The following CDH9 variants were observed in gnomAD, a reference collection of about 807,000 sequenced individuals.
CDH9 encodes the protein cadherin 9.
A neutral mutation model predicts 70.9 loss-of-function variants in CDH9; 28 were observed. The observed-to-expected ratio is 0.40, with a 90% CI of 0.29 to 0.54. The LOEUF (loss-of-function observed/expected upper bound fraction) is 0.54, where lower values mean the gene tolerates loss of function less well. Among genes scored for constraint, CDH9 ranks in the 20% least tolerant of loss-of-function variants. The pLI, the probability that CDH9 is intolerant of heterozygous loss-of-function variation, is 0.59. For synonymous variants in CDH9, 409 were observed against 343.1 expected, an observed-to-expected ratio of 1.19 and a Z score of -2.12; for missense variants, 874 against 984.4, an observed-to-expected ratio of 0.89 and a Z score of 1.50.
intron 1 of CDH9, among the ~76,000 whole-genome samples, chr5:26,989,936 C>T (rs1315332747): frequency 6.6e-6 from 1 of 152,054 alleles, no homozygotes; most frequent in Non-Finnish European, 1.5e-5. Flanking sequence ...TAGTCGTGTA[C>T]ATTGCAGTGA....
At chr5:26,948,854 G>A (rs1458882011) in intron 2 of CDH9, among the ~76,000 whole-genome samples, 1 of 152,176 alleles carries the variant, frequency 6.6e-6, no homozygotes, top group Admixed American at 6.5e-5. Flanking sequence ...GTTTGAGAAT[G>A]AGAGGACAGA....
rs1407476431 is a variant in CDH9 at position 26,883,069 on chromosome 5, ATATATATATATATATATATATATAT to A, written c.1883-1471_1883-1447del. 3.1e-5 allele frequency among the ~76,000 whole-genome samples: 4 copies of A among 127,526 alleles called. 1 individual carries two copies. Among genetic ancestry groups the A allele is most frequent in the African/African-American group, 1.2e-4 (4 of 33,842 alleles). The allele number at this position is 127,526 out of a possible 152,430, so 83.7% of individuals were successfully genotyped here. A position where few individuals can be genotyped will look rare whatever the true frequency, so the allele number is the denominator to read the frequency against. ...TATATATATATATATATATATATAT[ATATATATATATATATATATATATAT>A]AAAACTGCAGTAAAAATGAGACCTC... On this transcript the variant is annotated intron_variant, in intron 11 of 11. Transcript: ENST00000231021.
intron 1 of CDH9, among the ~76,000 whole-genome samples, chr5:26,997,271 A>G (rs1408040160): frequency 6.6e-6 from 1 of 151,952 alleles, no homozygotes; most frequent in East Asian, 1.9e-4. Context: ...ATAAACATAT[A>G]TGTATGTGTG....
At chr5:26,897,090 A>G (rs1406817314) in intron 7 of CDH9, among the ~76,000 whole-genome samples, 2 of 152,118 alleles carry the variant, frequency 1.3e-5, no homozygotes, top group Non-Finnish European at 2.9e-5. Context: ...AAATTCCTGG[A>G]CACATACACC....
chr5:26,880,938 T>A lies in CDH9; in HGVS notation c.*198A>T, dbSNP rs575307570. 1 of 443,966 alleles carries A rather than the reference T, an allele frequency of 2.3e-6. No homozygotes were observed. The highest frequency in any genetic ancestry group is 2.0e-5 in the African/African-American group (1 of 49,286). The allele number at this position is 443,966 out of a possible 1,614,324, so 27.5% of individuals were successfully genotyped here. On this transcript the variant is annotated 3_prime_UTR_variant, in exon 12 of 12. Transcript: ENST00000231021. ...TTAGGCAAAGAGGGTGAACTGGTTA[T>A]TACTTTTTTAAAAATCTGTATCATT... is the stretch of plus-strand genomic sequence containing the variant.
At chr5:26,962,016 C>T (rs1484674332) in intron 2 of CDH9, among the ~76,000 whole-genome samples, 2 of 152,088 alleles carry the variant, frequency 1.3e-5, no homozygotes, top group African/African-American at 2.4e-5. Context: ...GTGATGTCGC[C>T]CTCCCTGTGT....
chr5:27,000,883 T>A (rs1326000080), intron 1 of CDH9, among the ~76,000 whole-genome samples: 1 of 152,132 alleles, frequency 6.6e-6, no homozygotes, highest in African/African-American at 2.4e-5. Context: ...ATTGAATGAT[T>A]TAAGTTATAT....
chr5:26,904,709 C>T (rs1579674313), intron 5 of CDH9, among the ~76,000 whole-genome samples: 1 of 151,950 alleles, frequency 6.6e-6, no homozygotes, highest in East Asian at 1.9e-4. Flanking sequence ...AATTCAACTG[C>T]CTGGGTTTGA....
At chr5:26,994,270 T>A (rs894834965) in intron 1 of CDH9, among the ~76,000 whole-genome samples, 1 of 152,110 alleles carries the variant, frequency 6.6e-6, no homozygotes, top group Non-Finnish European at 1.5e-5. Context: ...TGGGGCCTAT[T>A]GGGATGAAAT....
intron 2 of CDH9, among the ~76,000 whole-genome samples, chr5:26,979,450 A>T (rs935555930): frequency 8.7e-6 from 1 of 114,540 alleles, no homozygotes. Context: ...TGATAGAAAA[A>T]AATTAAAAAA....
intron 2 of CDH9, among the ~76,000 whole-genome samples, chr5:26,944,956 A>G (rs1214508041): frequency 1.9e-5 from 1 of 53,484 alleles, no homozygotes; most frequent in Non-Finnish European, 5.7e-5. Flanking sequence ...CACTATTAGT[A>G]GAACTCTGAG....
intron 1 of CDH9, among the ~76,000 whole-genome samples, chr5:27,014,067 T>C (rs991778943): frequency 8.6e-5 from 13 of 151,992 alleles, no homozygotes; most frequent in African/African-American, 2.9e-4. Flanking sequence ...ACAGCTGTGA[T>C]TGAACAGACA....
chr5:26,926,924 C>T (rs1184575959), intron 2 of CDH9, among the ~76,000 whole-genome samples: 1 of 147,772 alleles, frequency 6.8e-6, no homozygotes, highest in East Asian at 2.0e-4. Flanking sequence ...ACAGCCCCCC[C>T]CCGCAAAAAA....
chr5:26,900,526 T>C (rs1232975628), intron 7 of CDH9, among the ~76,000 whole-genome samples: 1 of 152,072 alleles, frequency 6.6e-6, no homozygotes, highest in Non-Finnish European at 1.5e-5. Flanking sequence ...ACTGAATTCC[T>C]AATAAGCAAA....
intron 11 of CDH9, among the ~76,000 whole-genome samples, chr5:26,885,153 G>A (rs1217116982): frequency 2.0e-5 from 3 of 152,114 alleles, no homozygotes; most frequent in Non-Finnish European, 4.4e-5. Flanking sequence ...GTAGTCTTTG[G>A]TTTGGGAATA....
intron 1 of CDH9, among the ~76,000 whole-genome samples, chr5:27,029,698 A>T (rs1426906884): frequency 1.3e-5 from 2 of 151,990 alleles, no homozygotes; most frequent in Non-Finnish European, 2.9e-5. Context: ...TACCAAAAAA[A>T]ATCTAAGGAT....
chr5:27,031,353 G>A lies in CDH9; in HGVS notation c.-50+7110C>T, dbSNP rs182838244. On this transcript the variant is annotated intron_variant, in intron 1 of 11. Coordinates refer to ENST00000231021, the MANE Select transcript of CDH9 (RefSeq NM_016279.4). Reference sequence around the variant, plus strand: ...ACAAAATATTATTTTTAAGTGGTTAGGATACATTTCTTCAAATAGATAACT... The same window carrying A: ...ACAAAATATTATTTTTAAGTGGTTAAGATACATTTCTTCAAATAGATAACT... Among the ~76,000 whole-genome samples, 7 of 151,900 alleles carry A rather than the reference G, an allele frequency of 4.6e-5. No homozygotes were observed. The East Asian group carries it at 1.2e-3, about 25-fold the overall frequency.
At chr5:26,907,589 T>G (rs1740972490) in intron 3 of CDH9, among the ~76,000 whole-genome samples, 1 of 152,110 alleles carries the variant, frequency 6.6e-6, no homozygotes, top group Non-Finnish European at 1.5e-5. Context: ...ATTTAAATTA[T>G]GTTAAATTTT....
chr5:26,946,830 C>A (rs886733423), intron 2 of CDH9, among the ~76,000 whole-genome samples: 1 of 151,950 alleles, frequency 6.6e-6, no homozygotes, highest in Non-Finnish European at 1.5e-5. Context: ...AGCTGTAGGT[C>A]AAAAATAAAT....
Sources: allele counts gnomAD v4.1 joint callset (sites outside exome capture counted in the v4.1 genomes callset), GRCh38; gene constraint gnomAD v4.1.1; transcripts MANE v1.5; gene names NCBI Gene and HGNC (gene_info 2026-07-23, HGNC 2026-07-21).